The following NRK variants were observed in gnomAD, a reference collection of about 807,000 sequenced individuals.
The protein encoded by NRK is Nik related kinase.
Under a neutral mutation model 125.2 loss-of-function variants are expected in NRK, and 67 were observed. The ratio of observed to expected loss-of-function variants is 0.54; its 90% CI spans 0.44 to 0.66. The LOEUF (loss-of-function observed/expected upper bound fraction) is 0.66. Among genes scored for constraint, NRK ranks in the 30% least tolerant of loss-of-function variants. The pLI, the probability that NRK is intolerant of heterozygous loss-of-function variation, is 0.00. For missense variants in NRK, 1,224 were observed against 1,192.9 expected (o/e 1.03, Z -0.38); for synonymous variants, 458 against 429.0 (o/e 1.07, Z -0.84).
At chrX:105,894,785 A>T (rs1042964973) in intron 6 of NRK, among the ~76,000 whole-genome samples, 21 of 112,073 alleles carry the variant, frequency 1.9e-4, no homozygotes, top group Non-Finnish European at 3.8e-5. Context: ...AATCCTTGGC[A>T]AAGAATAAGG....
At chrX:105,947,846 G>A (rs1028753830) in intron 26 of NRK, among the ~76,000 whole-genome samples, 4 of 112,092 alleles carry the variant, frequency 3.6e-5, no homozygotes, top group Non-Finnish European at 5.6e-5. Context: ...TAAACCAATT[G>A]TCAGGACATT....
intron 21 of NRK, among the ~76,000 whole-genome samples, chrX:105,937,191 A>T (rs1384162589): frequency 9.1e-6 from 1 of 110,041 alleles, no homozygotes; most frequent in African/African-American, 3.3e-5. Context: ...GTTGGTAGAG[A>T]GTACATAGTT....
chrX:105,931,468 T>G (rs952357965), intron 19 of NRK, among the ~76,000 whole-genome samples: 2 of 111,692 alleles, frequency 1.8e-5, no homozygotes, highest in Admixed American at 9.5e-5. Context: ...GACTATGAGA[T>G]TCTCCTGTAG....
chrX:105,879,386 T>G (rs1423948125), intron 2 of NRK, among the ~76,000 whole-genome samples: 2 of 111,018 alleles, frequency 1.8e-5, no homozygotes, highest in African/African-American at 6.5e-5. Flanking sequence ...AATGTTATAC[T>G]GATTTTTTCT....
intron 19 of NRK, among the ~76,000 whole-genome samples, chrX:105,925,700 T>G: frequency 9.0e-6 from 1 of 111,497 alleles, no homozygotes; most frequent in Non-Finnish European, 1.9e-5. Flanking sequence ...GAACATGTGG[T>G]TTTTATCTTT....
chrX:105,935,574 C>CACG (rs986741063), intron 21 of NRK, among the ~76,000 whole-genome samples: 9 of 108,363 alleles, frequency 8.3e-5, no homozygotes, highest in African/African-American at 2.7e-4. Context: ...GCAGGTGGAT[C>CACG]ACGAGGTCAG....
intron 27 of NRK, among the ~76,000 whole-genome samples, chrX:105,950,655 C>T (rs1349722928): frequency 4.6e-5 from 5 of 108,228 alleles, no homozygotes; most frequent in African/African-American, 1.7e-4. Flanking sequence ...TGTGTCCCAT[C>T]TCAGAAAGCA....
Position 105,922,009 on chromosome X carries a change from A to G in NRK, c.2558A>G (p.Gln853Arg). 8.4e-7 allele frequency: 1 copy of G among 1,185,894 alleles called. No individual in the cohort carries two copies. Among genetic ancestry groups the G allele is most frequent in the Non-Finnish European group, 1.1e-6 (1 of 873,935 alleles). The change falls in exon 17 of 29, where the codon CAG becomes CGG. Residue 853 changes from glutamine to arginine, a missense_variant. Gln to Arg is a conservative substitution (Grantham distance 43). Coordinates refer to ENST00000243300, the MANE Select transcript of NRK (RefSeq NM_198465.4). Reference protein sequence around the residue: ...EESPVTGRRSQSSPPYSTIDQ... With the variant: ...EESPVTGRRSRSSPPYSTIDQ... ...AGTCCTGTGACTGGAAGGAGGTCTCAGTCATCACCACCTTATTCTACTATT... is the reference window on the plus strand; with the variant it reads ...AGTCCTGTGACTGGAAGGAGGTCTCGGTCATCACCACCTTATTCTACTATT...
intron 5 of NRK, among the ~76,000 whole-genome samples, chrX:105,890,323 A>C (rs750201808): frequency 3.9e-4 from 44 of 111,818 alleles, no homozygotes; most frequent in African/African-American, 1.4e-3. Flanking sequence ...GTTTCTAGGA[A>C]GTTCCAAACT....
At chrX:105,918,586 A>G (rs1024805425) in intron 16 of NRK, among the ~76,000 whole-genome samples, 1 of 111,507 alleles carries the variant, frequency 9.0e-6, no homozygotes, top group Non-Finnish European at 1.9e-5. Flanking sequence ...TGTGAAAATT[A>G]GATAAGCCTG....
chrX:105,856,790 A>T (rs762637321), intron 2 of NRK, among the ~76,000 whole-genome samples: 92 of 111,986 alleles, frequency 8.2e-4, no homozygotes, highest in African/African-American at 2.8e-3. Flanking sequence ...TATTTGACCC[A>T]ACATGTAGTG....
At chrX:105,941,686 C>T (rs1486429347) in intron 23 of NRK, among the ~76,000 whole-genome samples, 1 of 109,490 alleles carries the variant, frequency 9.1e-6, no homozygotes, top group Admixed American at 9.8e-5. Context: ...TCCATAAGAA[C>T]CAGAAGGGCT....
intron 2 of NRK, among the ~76,000 whole-genome samples, chrX:105,863,321 G>GACAC (rs769445045): frequency 0.018 from 1,082 of 60,396 alleles, 7 homozygotes; most frequent in East Asian, 0.096. Context: ...AATAGTAACA[G>GACAC]ACACACACAC....
intron 3 of NRK, among the ~76,000 whole-genome samples, chrX:105,881,335 C>G (rs1415046092): frequency 9.0e-6 from 1 of 111,253 alleles, no homozygotes; most frequent in Non-Finnish European, 1.9e-5. Context: ...CTTGTTTTAA[C>G]TTAAGAGACC....
intron 2 of NRK, among the ~76,000 whole-genome samples, chrX:105,839,220 C>T (rs1460584866): frequency 9.4e-6 from 1 of 106,013 alleles, no homozygotes; most frequent in Non-Finnish European, 1.9e-5. Flanking sequence ...ATTTGCCTAC[C>T]AAATGTCTAG....
chrX:105,894,048 CAT>C, intron 6 of NRK, 106 bp downstream of exon 6: 5 of 450,230 alleles, frequency 1.1e-5, no homozygotes, highest in Non-Finnish European at 1.8e-5. Flanking sequence ...GTATTCCAAA[CAT>C]AACCTGTGCA....
chrX:105,880,122 A>G (rs2039866922), intron 2 of NRK, 77 bp from the exon 3 acceptor site: 11 of 419,954 alleles, frequency 2.6e-5, no homozygotes, highest in Non-Finnish European at 3.6e-5. Context: ...TAATTTTAAT[A>G]TTTTCTACTT....
At chrX:105,943,278 T>C (rs1281042688) in intron 23 of NRK, among the ~76,000 whole-genome samples, 1 of 112,005 alleles carries the variant, frequency 8.9e-6, no homozygotes, top group East Asian at 2.8e-4. Context: ...CCAGCACCAT[T>C]TGTTGAAAAG....
At chrX:105,918,361 A>C (rs1041195143) in intron 16 of NRK, among the ~76,000 whole-genome samples, 3 of 111,497 alleles carry the variant, frequency 2.7e-5, no homozygotes, top group African/African-American at 9.7e-5. Flanking sequence ...TAAGTTAAGC[A>C]AGGGAAAAAT....
Sources: gnomAD v4.1 joint callset for allele counts (sites outside exome capture counted in the v4.1 genomes callset) on GRCh38, gnomAD v4.1.1 for gene constraint, MANE v1.5 for transcripts, NCBI Gene and HGNC (gene_info 2026-07-23, HGNC 2026-07-21) for gene names.